The following PRKN variants were observed in gnomAD, a reference collection of about 807,000 sequenced individuals.
PRKN encodes E3 ubiquitin-protein ligase parkin.
Under a neutral mutation model 59.5 loss-of-function variants are expected in PRKN, and 56 were observed. The observed-to-expected ratio is 0.94, with a 90% CI of 0.76 to 1.18. The LOEUF (loss-of-function observed/expected upper bound fraction) is 1.18. Ranked by LOEUF, PRKN falls within the 50% of genes most tolerant of loss-of-function variation. The probability of loss-of-function intolerance (pLI) is 0.00; values close to 1 mark genes in which losing one functional copy is unlikely to be tolerated. For synonymous variants in PRKN, 250 were observed against 222.1 expected, an observed-to-expected ratio of 1.13 and a Z score of -1.12; for missense variants, 657 against 596.4, an observed-to-expected ratio of 1.10 and a Z score of -1.06.
rs1583941926 is a variant in PRKN at position 162,630,102 on chromosome 6, T to C, written c.7+97560A>G. Among the ~76,000 whole-genome samples, 3 of 152,232 alleles carry C rather than the reference T, an allele frequency of 2.0e-5. No homozygotes were observed. The Middle Eastern group carries it at 0.01, about 518-fold the overall frequency. On this transcript the variant is annotated intron_variant, in intron 1 of 11. Transcript: ENST00000366898. ...TAAAGGTGTTTGCTGAAATAAAAGA[T>C]CCATACTTTTCGAATCAAACAAGTT...
chr6:162,507,279 T>C (rs1442876222), intron 1 of PRKN, among the ~76,000 whole-genome samples: 1 of 152,116 alleles, frequency 6.6e-6, no homozygotes, highest in Non-Finnish European at 1.5e-5. Flanking sequence ...AGTAACTTCT[T>C]TGAAACGCAA....
chr6:161,741,470 TG>T (rs1242359436), intron 7 of PRKN, among the ~76,000 whole-genome samples: 1 of 152,150 alleles, frequency 6.6e-6, no homozygotes, highest in Non-Finnish European at 1.5e-5. Flanking sequence ...AAGTATCTTG[TG>T]GCAAAGTCTC....
chr6:161,715,487 G>A (rs1344811978), intron 7 of PRKN, among the ~76,000 whole-genome samples: 2 of 152,066 alleles, frequency 1.3e-5, no homozygotes, highest in Non-Finnish European at 2.9e-5. Context: ...ACAAATATAT[G>A]TGTTCATTAA....
intron 7 of PRKN, among the ~76,000 whole-genome samples, chr6:161,571,172 T>C (rs948908679): frequency 2.6e-5 from 4 of 152,164 alleles, no homozygotes; most frequent in African/African-American, 9.7e-5. Flanking sequence ...CTCAAGCTCC[T>C]GGGCTCAAGT....
intron 6 of PRKN, among the ~76,000 whole-genome samples, chr6:161,955,456 T>C (rs189803735): frequency 1.5e-3 from 228 of 152,344 alleles, no homozygotes; most frequent in African/African-American, 5.4e-3. Flanking sequence ...TACATTATCA[T>C]AATTATATTC....
intron 1 of PRKN, among the ~76,000 whole-genome samples, chr6:162,633,999 A>G (rs547532868): frequency 1.3e-5 from 2 of 152,318 alleles, no homozygotes; most frequent in South Asian, 4.2e-4. Context: ...TGAAAAATAT[A>G]CCACACGGTC....
chr6:162,419,789 G>A (rs1788857526), intron 2 of PRKN, among the ~76,000 whole-genome samples: 1 of 151,296 alleles, frequency 6.6e-6, no homozygotes. Flanking sequence ...GACAGGGACA[G>A]GGACAGGGAC....
Position 161,875,362 on chromosome 6 carries a change from T to C in PRKN, c.735-89454A>G, listed in dbSNP as rs371501495. The stretch of plus-strand genomic sequence containing the variant: ...GTGCGAGCCATCACACCTGGCTAAT[T>C]TTTGTATTTTTTGTAGAGACGGGGT... On this transcript the variant is annotated intron_variant, in intron 6 of 11. Transcript: ENST00000366898. Among the ~76,000 whole-genome samples, 363 of 150,984 alleles carry C rather than the reference T, an allele frequency of 2.4e-3. 5 individuals carry two copies. In the South Asian group the frequency reaches 0.025, roughly 11 times the overall value.
intron 1 of PRKN, among the ~76,000 whole-genome samples, chr6:162,475,119 T>C (rs903706965): frequency 6.6e-6 from 1 of 152,196 alleles, no homozygotes; most frequent in East Asian, 1.9e-4. Flanking sequence ...AATGATTATG[T>C]GATGAATAGC....
chr6:162,025,472 T>C (rs1460845181), intron 5 of PRKN, among the ~76,000 whole-genome samples: 2 of 151,958 alleles, frequency 1.3e-5, no homozygotes, highest in African/African-American at 2.4e-5. Context: ...TCCAATTCAT[T>C]CCATCTTTTT....
intron 2 of PRKN, among the ~76,000 whole-genome samples, chr6:162,343,005 G>T (rs1276040303): frequency 2.0e-5 from 3 of 152,112 alleles, no homozygotes; most frequent in African/African-American, 7.2e-5. Flanking sequence ...GCCAAGGATT[G>T]ATGTAAATAA....
intron 7 of PRKN, among the ~76,000 whole-genome samples, chr6:161,785,057 GC>G: frequency 6.6e-6 from 1 of 152,288 alleles, no homozygotes; most frequent in Non-Finnish European, 1.5e-5. Context: ...CCTACAATAG[GC>G]AAATCCATAG....
intron 1 of PRKN, among the ~76,000 whole-genome samples, chr6:162,548,865 C>G (rs920090681): frequency 2.6e-5 from 4 of 152,056 alleles, no homozygotes; most frequent in African/African-American, 4.8e-5. Context: ...CTCTCGGGTG[C>G]TTTTTTCACT....
intron 7 of PRKN, among the ~76,000 whole-genome samples, chr6:161,682,033 GAAGA>G (rs993053553): frequency 2.3e-4 from 35 of 152,228 alleles, no homozygotes; most frequent in African/African-American, 8.4e-4. Context: ...GCTGTGAGGA[GAAGA>G]GAGAGGACAG....
At chr6:162,475,931 T>C (rs1466009969) in intron 1 of PRKN, among the ~76,000 whole-genome samples, 1 of 150,826 alleles carries the variant, frequency 6.6e-6, no homozygotes, top group Non-Finnish European at 1.5e-5. Context: ...TTTGTATTTT[T>C]AGTAGAGACA....
Position 161,977,839 on chromosome 6 carries a change from A to G in PRKN, c.619-4422T>C, listed in dbSNP as rs192739063. 6.7e-3 allele frequency among the ~76,000 whole-genome samples: 1,018 copies of G among 151,532 alleles called. 11 individuals carry two copies. Among genetic ancestry groups the G allele is most frequent in the Middle Eastern group, 0.021 (6 of 292 alleles). Reference sequence around the variant, plus strand: ...TGGGATTGTACAGGTGTGAGCCACCACGCCCGGCCCTATCTTCTCTACTTT... The same window carrying G: ...TGGGATTGTACAGGTGTGAGCCACCGCGCCCGGCCCTATCTTCTCTACTTT... On this transcript the variant is annotated intron_variant, in intron 5 of 11. Coordinates refer to ENST00000366898, the MANE Select transcript of PRKN (RefSeq NM_004562.3).
intron 4 of PRKN, among the ~76,000 whole-genome samples, chr6:162,117,477 A>G (rs575712060): frequency 6.6e-6 from 1 of 152,308 alleles, no homozygotes; most frequent in African/African-American, 2.4e-5. Flanking sequence ...AGAAAGACCT[A>G]TGCATTTCCA....
chr6:162,233,350 A>G (rs1778504562), intron 3 of PRKN, among the ~76,000 whole-genome samples: 1 of 152,228 alleles, frequency 6.6e-6, no homozygotes, highest in South Asian at 2.1e-4. Context: ...AAATACACCA[A>G]GATAATGCAT....
At chr6:162,287,073 T>C (rs1781224760) in intron 2 of PRKN, among the ~76,000 whole-genome samples, 1 of 152,202 alleles carries the variant, frequency 6.6e-6, no homozygotes. Context: ...TTCTTCTCTA[T>C]TGTCTCCAAA....
Sources: gnomAD v4.1 joint callset for allele counts (sites outside exome capture counted in the v4.1 genomes callset) on GRCh38, gnomAD v4.1.1 for gene constraint, MANE v1.5 for transcripts, NCBI Gene and HGNC (gene_info 2026-07-23, HGNC 2026-07-21) for gene names.